Variants in CPNE4 observed in about 807,000 individuals in gnomAD.
The protein encoded by CPNE4 is copine-4.
A neutral mutation model predicts 67.9 loss-of-function variants in CPNE4; 25 were observed. The observed-to-expected ratio is 0.37, with a 90% CI of 0.27 to 0.51. CPNE4 has a LOEUF of 0.51. CPNE4 is among the 20% of genes least tolerant of loss of function. The probability of loss-of-function intolerance (pLI) is 0.93; values close to 1 mark genes in which losing one functional copy is unlikely to be tolerated. For missense variants in CPNE4, 464 were observed against 690.8 expected, an observed-to-expected ratio of 0.67 and a Z score of 3.68; for synonymous variants, 242 against 244.9, an observed-to-expected ratio of 0.99 and a Z score of 0.11.
intron 5 of CPNE4, among the ~76,000 whole-genome samples, chr3:131,692,222 T>C (rs1023333703): frequency 3.3e-5 from 5 of 152,164 alleles, no homozygotes; most frequent in African/African-American, 1.2e-4. Flanking sequence ...GCATATCCAG[T>C]CTGTACAGCT....
chr3:131,619,978 C>A (rs1006969724), intron 7 of CPNE4, among the ~76,000 whole-genome samples: 4 of 152,106 alleles, frequency 2.6e-5, no homozygotes, highest in African/African-American at 9.7e-5. Context: ...CTCTGATTAG[C>A]ATTTCTGTCT....
rs1373790163 is a variant in CPNE4, at chr3:131,587,535, T to C, written c.729A>G (p.Gly243=). ...TCTCCTTGAATGTCGAGGTGAATTCTCCAATGAAGTCATGCTTGCCATTGG... is the reference window on the plus strand; with the variant it reads ...TCTCCTTGAATGTCGAGGTGAATTCCCCAATGAAGTCATGCTTGCCATTGG... ...WDSNGKHDFI[G]EFTSTFKEMR... Residue 243 remains glycine, a synonymous_variant, in exon 8 of 16, where the codon GGA becomes GGG. Transcript: ENST00000429747. 1 of 1,613,674 alleles carries C rather than the reference T, an allele frequency of 6.2e-7. No individual in the cohort carries two copies. The highest frequency in any genetic ancestry group is 2.2e-5 in the East Asian group (1 of 44,882).
chr3:131,552,644 CA>C (rs1936246619), intron 12 of CPNE4, among the ~76,000 whole-genome samples, 153 bp from the exon 13 acceptor site: 1 of 151,980 alleles, frequency 6.6e-6, no homozygotes, highest in Non-Finnish European at 1.5e-5. Context: ...TTTACACAAT[CA>C]ATATGAGATG....
At chr3:131,607,041 C>T (rs1482730148) in intron 7 of CPNE4, among the ~76,000 whole-genome samples, 2 of 151,218 alleles carry the variant, frequency 1.3e-5, no homozygotes, top group African/African-American at 2.4e-5. Context: ...AAAATTTGTA[C>T]TAAGCTGTTA....
chr3:131,710,545 G>A (rs1319733582), intron 3 of CPNE4, among the ~76,000 whole-genome samples: 1 of 152,146 alleles, frequency 6.6e-6, no homozygotes, highest in African/African-American at 2.4e-5. Flanking sequence ...AGTAGGCAAG[G>A]TAGTATAATG....
chr3:131,564,422 G>T, intron 10 of CPNE4, 73 bp from the exon 11 acceptor site: 1 of 1,448,636 alleles, frequency 6.9e-7, no homozygotes, highest in East Asian at 2.3e-5. Context: ...TCAGTCATGA[G>T]AGAGACCTGG....
chr3:131,706,119 A>G (rs1187655859), intron 3 of CPNE4, among the ~76,000 whole-genome samples: 1 of 152,180 alleles, frequency 6.6e-6, no homozygotes, highest in Non-Finnish European at 1.5e-5. Context: ...GTGGGTTGTG[A>G]GTTGTCTTCA....
chr3:132,001,618 A>AG (rs1583582283), intron 1 of CPNE4, among the ~76,000 whole-genome samples: 1 of 151,346 alleles, frequency 6.6e-6, no homozygotes, highest in Non-Finnish European at 1.5e-5. Flanking sequence ...AAAGAAAGAA[A>AG]ATGAAGAGGA....
At chr3:131,647,725 T>C (rs1240093353) in intron 7 of CPNE4, among the ~76,000 whole-genome samples, 2 of 152,190 alleles carry the variant, frequency 1.3e-5, no homozygotes, top group Admixed American at 6.5e-5. Context: ...CCTGCATGGC[T>C]GATGGGAAAA....
intron 11 of CPNE4, among the ~76,000 whole-genome samples, chr3:131,557,209 C>G (rs539642995): frequency 1.3e-5 from 2 of 152,224 alleles, no homozygotes; most frequent in South Asian, 4.1e-4. Flanking sequence ...AAGGACGTGT[C>G]CTTCTCATGT....
chr3:131,897,421 CATT>C lies in CPNE4; in HGVS notation c.180+7840_180+7842del, dbSNP rs2088380505. On this transcript the variant is annotated intron_variant, in intron 2 of 15. Coordinates refer to ENST00000429747, the MANE Select transcript of CPNE4 (RefSeq NM_130808.3). Reference sequence around the variant, plus strand: ...GGTGCATAGCAAACAGTCTGGTACTCATTATTCTGAGAGGAAGACAGTGAAGGA... The same window carrying C: ...GGTGCATAGCAAACAGTCTGGTACTCATTCTGAGAGGAAGACAGTGAAGGA... 2.0e-5 allele frequency among the ~76,000 whole-genome samples: 3 copies of C among 152,056 alleles called. No homozygotes were observed. In the South Asian group the frequency reaches 6.2e-4, roughly 32 times the overall value.
chr3:131,876,326 A>G (rs899988947), intron 2 of CPNE4, among the ~76,000 whole-genome samples: 21 of 151,948 alleles, frequency 1.4e-4, no homozygotes, highest in African/African-American at 4.6e-4. Context: ...ATTTTTTGTG[A>G]GAATGTTTTA....
intron 1 of CPNE4, among the ~76,000 whole-genome samples, chr3:131,947,663 T>A (rs1193530072): frequency 2.0e-5 from 3 of 152,200 alleles, no homozygotes; most frequent in African/African-American, 7.2e-5. Flanking sequence ...TGATTCCAAG[T>A]CTTTGCTATT....
chr3:131,558,437 A>ATGAC (rs1936584310), intron 11 of CPNE4, among the ~76,000 whole-genome samples: 1 of 152,150 alleles, frequency 6.6e-6, no homozygotes, highest in South Asian at 2.1e-4. Context: ...TGCTGGGAAA[A>ATGAC]TGACTGACAA....
intron 2 of CPNE4, among the ~76,000 whole-genome samples, chr3:131,756,022 G>A (rs1236090232): frequency 3.3e-5 from 5 of 152,166 alleles, no homozygotes; most frequent in East Asian, 1.9e-4. Context: ...CACCAAGAAT[G>A]TATCCAAGGG....
chr3:131,963,180 G>A (rs571201046), intron 1 of CPNE4, among the ~76,000 whole-genome samples: 203 of 152,188 alleles, frequency 1.3e-3, no homozygotes, highest in African/African-American at 4.0e-3. Context: ...CAGCCAAAGG[G>A]AAGCCATGAG....
At chr3:131,801,477 T>TAA (rs2084127609) in intron 2 of CPNE4, among the ~76,000 whole-genome samples, 1 of 133,322 alleles carries the variant, frequency 7.5e-6, no homozygotes, top group African/African-American at 2.8e-5. Context: ...TATATATATA[T>TAA]AATATCACTG....
At chr3:131,930,993 G>A (rs1395133688) in intron 1 of CPNE4, among the ~76,000 whole-genome samples, 1 of 152,050 alleles carries the variant, frequency 6.6e-6, no homozygotes. Context: ...CTTACAGGAT[G>A]GTAAGGGTGT....
intron 1 of CPNE4, among the ~76,000 whole-genome samples, chr3:132,028,334 A>G (rs2074159457): frequency 6.6e-6 from 1 of 152,138 alleles, no homozygotes; most frequent in South Asian, 2.1e-4. Flanking sequence ...ACCTAGCATC[A>G]TTTGTTCATC....
Sources: gnomAD v4.1 joint callset for allele counts (sites outside exome capture counted in the v4.1 genomes callset) on GRCh38, gnomAD v4.1.1 for gene constraint, MANE v1.5 for transcripts, NCBI Gene and HGNC (gene_info 2026-07-23, HGNC 2026-07-21) for gene names.